The following PRKCH variants were observed in gnomAD, a reference collection of about 807,000 sequenced individuals.
PRKCH encodes the protein protein kinase C eta.
In PRKCH, 28 loss-of-function variants were observed where a neutral mutation model predicts 82.5. The ratio of observed to expected loss-of-function variants is 0.34; its 90% CI spans 0.25 to 0.47. The LOEUF (loss-of-function observed/expected upper bound fraction) is 0.47, where lower values mean the gene tolerates loss of function less well. PRKCH is among the 20% of genes least tolerant of loss of function. The pLI is 1.00. For missense variants in PRKCH, 705 were observed against 881.8 expected (o/e 0.80, Z 2.54); for synonymous variants, 322 against 327.4 (o/e 0.98, Z 0.18).
chr14:61,448,177 A>G lies in PRKCH; in HGVS notation c.614-987A>G, dbSNP rs113012410. Among the ~76,000 whole-genome samples the G allele has an allele frequency of 9.5e-3, 1,449 of 152,334 alleles. 19 individuals carry two copies. Among genetic ancestry groups the G allele is most frequent in the African/African-American group, 0.033 (1,361 of 41,572 alleles). On this transcript the variant is annotated intron_variant, in intron 4 of 13. Coordinates refer to ENST00000332981, the MANE Select transcript of PRKCH (RefSeq NM_006255.5). ...TTGGTTCTCCTGAGAATTGAATCTG[A>G]TGAAAGCTAGATTTGTTTTAAGGTA...
intron 10 of PRKCH, among the ~76,000 whole-genome samples, chr14:61,513,808 A>G (rs1028641029): frequency 3.9e-5 from 6 of 152,056 alleles, no homozygotes; most frequent in Admixed American, 1.3e-4. Flanking sequence ...TTTGCAGATG[A>G]GCGGCAGTTT....
intron 1 of PRKCH, among the ~76,000 whole-genome samples, chr14:61,296,205 A>C (rs1404043832): frequency 6.6e-6 from 1 of 152,114 alleles, no homozygotes; most frequent in Non-Finnish European, 1.5e-5. Flanking sequence ...CTTATGGGGG[A>C]GTTACCAATT....
At chr14:61,234,024 A>G (rs2044767007) in intron 1 of PRKCH, among the ~76,000 whole-genome samples, 1 of 152,184 alleles carries the variant, frequency 6.6e-6, no homozygotes, top group African/African-American at 2.4e-5. Context: ...GGTCTACACC[A>G]CAGGTGTAGC....
intron 1 of PRKCH, among the ~76,000 whole-genome samples, chr14:61,286,176 A>G (rs2045312154): frequency 6.6e-6 from 1 of 152,222 alleles, no homozygotes; most frequent in African/African-American, 2.4e-5. Context: ...ACTGCTCAAG[A>G]TTGTTGCCTA....
chr14:61,418,289 TAG>T (rs1467902678), intron 2 of PRKCH, among the ~76,000 whole-genome samples: 2 of 152,252 alleles, frequency 1.3e-5, no homozygotes, highest in African/African-American at 4.8e-5. Flanking sequence ...GGCCAGGCTC[TAG>T]CCTGTGTCCT....
intron 9 of PRKCH, among the ~76,000 whole-genome samples, chr14:61,461,384 C>T (rs1885020405): frequency 6.6e-6 from 1 of 152,222 alleles, no homozygotes; most frequent in African/African-American, 2.4e-5. Flanking sequence ...GTAGCTGATA[C>T]TGGTTGCCCG....
chr14:61,374,752 A>G (rs527830476), intron 1 of PRKCH, among the ~76,000 whole-genome samples: 4 of 152,046 alleles, frequency 2.6e-5, no homozygotes, highest in Admixed American at 6.5e-5. Flanking sequence ...CTTGGCCCCC[A>G]GAACAATTTT....
At chr14:61,507,470 A>T (rs962257332) in intron 10 of PRKCH, among the ~76,000 whole-genome samples, 1 of 152,214 alleles carries the variant, frequency 6.6e-6, no homozygotes, top group African/African-American at 2.4e-5. Flanking sequence ...GATCTCAGAG[A>T]TGTCTGCACT....
In PRKCH at chr14:61,236,231, G is replaced by A. The variant is rs191454590; in HGVS notation, c.-19+48563G>A. Among the ~76,000 whole-genome samples the A allele has an allele frequency of 1.8e-3, 277 of 151,518 alleles. 1 individual carries two copies. Among genetic ancestry groups the A allele is most frequent in the African/African-American group, 6.4e-3 (264 of 41,320 alleles). On this transcript the variant is annotated intron_variant, in intron 1 of 3. Transcript: ENST00000555185. ...CTAAAACTACAAAAATTAGCTGGGC[G>A]TAGCAGTGTCAGAGGCGTGTGAAGC...
At chr14:61,439,610 G>A (rs1883857636) in intron 2 of PRKCH, among the ~76,000 whole-genome samples, 1 of 146,646 alleles carries the variant, frequency 6.8e-6, no homozygotes, top group Non-Finnish European at 1.5e-5. Flanking sequence ...CTCCCGGCCT[G>A]CTGTGGGAAC....
rs1307668259 is a variant in PRKCH at position 61,402,606 on chromosome 14, C to G, written c.427+11318C>G. On this transcript the variant is annotated intron_variant, in intron 2 of 13. Coordinates refer to ENST00000332981, the MANE Select transcript of PRKCH (RefSeq NM_006255.5). ...GGTCAGGAGATCAAGACCATCCTGG[C>G]CAACATGGTGAAACCCCGTCTCTAC... 2.0e-5 allele frequency among the ~76,000 whole-genome samples: 3 copies of G among 151,890 alleles called. No homozygotes were observed. In the East Asian group the frequency reaches 5.8e-4, roughly 29 times the overall value.
At chr14:61,529,440 A>G (rs113261090) in intron 11 of PRKCH, among the ~76,000 whole-genome samples, 2,364 of 152,164 alleles carry the variant, frequency 0.016, 69 homozygotes, top group East Asian at 0.098. Flanking sequence ...ATGCTGCTAT[A>G]AAGACACATG....
At chr14:61,475,722 AAG>A (rs1175392364) in intron 9 of PRKCH, among the ~76,000 whole-genome samples, 2 of 152,250 alleles carry the variant, frequency 1.3e-5, no homozygotes, top group Admixed American at 1.3e-4. Flanking sequence ...TATAAATGAA[AAG>A]AGAAGTGTAT....
intron 1 of PRKCH, among the ~76,000 whole-genome samples, chr14:61,359,747 A>G (rs1324649363): frequency 6.6e-6 from 1 of 152,272 alleles, no homozygotes; most frequent in Non-Finnish European, 1.5e-5. Flanking sequence ...TATGGTGGCC[A>G]CTAGCCATAT....
intron 1 of PRKCH, among the ~76,000 whole-genome samples, chr14:61,238,781 CGTTTTCATTAGCATCT>C (rs1434082352): frequency 2.6e-5 from 4 of 152,184 alleles, no homozygotes; most frequent in African/African-American, 9.7e-5. Context: ...ATTAATCTAA[CGTTTTCATTAGCATCT>C]GTAAGACCCG....
At chr14:61,305,693 G>A (rs1258928622) in intron 1 of PRKCH, 1 of 151,960 alleles carries the variant, frequency 6.6e-6, no homozygotes, top group East Asian at 1.9e-4. Context: ...TATCCATTTG[G>A]TTTATTTCTT....
At chr14:61,381,236 A>C (rs909708697) in intron 1 of PRKCH, among the ~76,000 whole-genome samples, 2 of 152,136 alleles carry the variant, frequency 1.3e-5, no homozygotes, top group African/African-American at 4.8e-5. Context: ...CTCTTTTCCA[A>C]CCTGCTCTCT....
chr14:61,536,018 A>G (rs1440761795), intron 12 of PRKCH, among the ~76,000 whole-genome samples: 2 of 152,352 alleles, frequency 1.3e-5, no homozygotes, highest in Middle Eastern at 3.4e-3. Context: ...TAGCCTGTAT[A>G]GAAAAAGTGA....
intron 1 of PRKCH, among the ~76,000 whole-genome samples, chr14:61,200,611 T>C (rs901384050): frequency 5.3e-5 from 8 of 152,180 alleles, no homozygotes; most frequent in Non-Finnish European, 1.0e-4. Context: ...AATATAGCCT[T>C]ATTACAGTAG....
Sources: gnomAD v4.1 joint callset for allele counts (sites outside exome capture counted in the v4.1 genomes callset) on GRCh38, gnomAD v4.1.1 for gene constraint, MANE v1.5 for transcripts, NCBI Gene and HGNC (gene_info 2026-07-23, HGNC 2026-07-21) for gene names.